Variants in FANCL observed in about 807,000 individuals in gnomAD.
FANCL encodes FA complementation group L, also known as E3 ubiquitin-protein ligase FANCL.
A neutral mutation model predicts 59.4 loss-of-function variants in FANCL; 69 were observed. That is an observed-to-expected ratio of 1.16 (90% CI 0.96 to 1.42). The LOEUF is 1.42. FANCL is among the 40% of genes most tolerant of loss of function. The pLI, the probability that FANCL is intolerant of heterozygous loss-of-function variation, is 0.00. For missense variants in FANCL, 519 were observed against 447.2 expected (o/e 1.16, Z -1.45); for synonymous variants, 180 against 147.1 (o/e 1.22, Z -1.62).
intron 7 of FANCL, among the ~76,000 whole-genome samples, chr2:58,168,980 C>T (rs934747153): frequency 1.3e-5 from 2 of 152,166 alleles, no homozygotes; most frequent in Non-Finnish European, 2.9e-5. Flanking sequence ...TCCCATCTCC[C>T]TGGGACAGAG....
intron 7 of FANCL, among the ~76,000 whole-genome samples, chr2:58,169,303 T>C (rs879521214): frequency 5.3e-5 from 8 of 152,142 alleles, no homozygotes; most frequent in Admixed American, 2.6e-4. Flanking sequence ...CCAGCAGACC[T>C]GCAGCAGAGG....
chr2:58,167,109 G>A (rs982879118), intron 7 of FANCL, among the ~76,000 whole-genome samples: 1 of 152,218 alleles, frequency 6.6e-6, no homozygotes, highest in Non-Finnish European at 1.5e-5. Context: ...CTATTTGGGA[G>A]ACAGAGGCAG....
chr2:58,209,892 C>G (rs1690954723), intron 5 of FANCL, among the ~76,000 whole-genome samples: 1 of 152,130 alleles, frequency 6.6e-6, no homozygotes, highest in African/African-American at 2.4e-5. Flanking sequence ...CATTAATCAG[C>G]TTCTAAGATA....
At position 58,181,345 on chromosome 2, in the gene FANCL, A is replaced by G. The variant is rs549432942; in HGVS notation, c.541-15471T>C. ...TCTGTTTATAATATCTGGAATAGAC[A>G]TAACTAAGCTTTGGTGGAAAACAAT... On this transcript the variant is annotated intron_variant, in intron 7 of 13. Transcript: ENST00000233741. 1.9e-4 allele frequency among the ~76,000 whole-genome samples: 29 copies of G among 152,192 alleles called. 1 individual carries two copies. The South Asian group carries it at 5.6e-3, about 29-fold the overall frequency.
chr2:58,239,934 A>G (rs1030618732), intron 1 of FANCL, among the ~76,000 whole-genome samples: 1 of 152,196 alleles, frequency 6.6e-6, no homozygotes. Flanking sequence ...AATGTTTAAG[A>G]TTTAAATAAA....
rs1045412255 is a variant in FANCL at position 58,201,388 on chromosome 2, CA to C, written c.472-2727del. Among the ~76,000 whole-genome samples, 109 of 151,628 alleles carry C rather than the reference CA, an allele frequency of 7.2e-4. 1 individual carries two copies. Among genetic ancestry groups the C allele is most frequent in the Non-Finnish European group, 1.9e-4 (13 of 67,802 alleles). On this transcript the variant is annotated intron_variant, in intron 6 of 13. Transcript: ENST00000233741. ...AATCAATAACTAAAAAAAAAGATTA[CA>C]TAATATTAAGTATATATTTTTATCA...
intron 7 of FANCL, among the ~76,000 whole-genome samples, chr2:58,192,146 A>G (rs1446862609): frequency 6.6e-6 from 1 of 151,954 alleles, no homozygotes; most frequent in African/African-American, 2.4e-5. Flanking sequence ...AACCTGTTCC[A>G]TGCAACTAGT....
chr2:58,223,292 C>T (rs1022689237), intron 4 of FANCL, among the ~76,000 whole-genome samples: 1 of 151,740 alleles, frequency 6.6e-6, no homozygotes, highest in Non-Finnish European at 1.5e-5. Context: ...TGATGGTCCA[C>T]CAAAATAAAT....
At chr2:58,224,704 CAT>C (rs1692812770) in intron 4 of FANCL, among the ~76,000 whole-genome samples, 1 of 151,702 alleles carries the variant, frequency 6.6e-6, no homozygotes, top group South Asian at 2.1e-4. Flanking sequence ...ACTAACAACA[CAT>C]AGACAGGAAA....
intron 7 of FANCL, among the ~76,000 whole-genome samples, chr2:58,175,119 C>A (rs529770761): frequency 3.8e-4 from 57 of 148,590 alleles, no homozygotes; most frequent in East Asian, 1.8e-3. Flanking sequence ...CAATAACAGG[C>A]TCTGAAATTG....
intron 7 of FANCL, among the ~76,000 whole-genome samples, chr2:58,176,318 C>G (rs1241256686): frequency 6.6e-6 from 1 of 152,022 alleles, no homozygotes; most frequent in Non-Finnish European, 1.5e-5. Flanking sequence ...GCCCGCATCG[C>G]CAAGTCAATC....
intron 5 of FANCL, among the ~76,000 whole-genome samples, chr2:58,208,590 T>C (rs1558795956): frequency 6.6e-6 from 1 of 152,324 alleles, no homozygotes; most frequent in East Asian, 1.9e-4. Flanking sequence ...TCTTTAGCCA[T>C]CTAGATGCAT....
At chr2:58,164,257 C>T (rs1685640768) in intron 8 of FANCL, among the ~76,000 whole-genome samples, 1 of 151,948 alleles carries the variant, frequency 6.6e-6, no homozygotes, top group African/African-American at 2.4e-5. Context: ...TCATTTTCAT[C>T]GTAAAAATGT....
At chr2:58,216,063 A>C (rs1329277207) in intron 5 of FANCL, among the ~76,000 whole-genome samples, 1 of 152,190 alleles carries the variant, frequency 6.6e-6, no homozygotes, top group Non-Finnish European at 1.5e-5. Flanking sequence ...GCTTTGTCAA[A>C]AATGGACCCC....
chr2:58,165,023 AAAAG>A (rs1364157002), intron 8 of FANCL, among the ~76,000 whole-genome samples: 1 of 152,130 alleles, frequency 6.6e-6, no homozygotes, highest in African/African-American at 2.4e-5. Context: ...TATTTAGAAA[AAAAG>A]AAATGGGTAT....
intron 1 of FANCL, among the ~76,000 whole-genome samples, chr2:58,239,199 A>G (rs935426773): frequency 2.0e-5 from 3 of 152,128 alleles, no homozygotes; most frequent in African/African-American, 7.2e-5. Context: ...GCCTCAGAGT[A>G]CCTCCCCAAA....
intron 6 of FANCL, among the ~76,000 whole-genome samples, chr2:58,201,222 T>G (rs1377275874): frequency 6.6e-6 from 1 of 151,658 alleles, no homozygotes; most frequent in Non-Finnish European, 1.5e-5. Context: ...TGACAACTAA[T>G]TGTCAAAACT....
chr2:58,194,335 T>G (rs778189346), intron 7 of FANCL: 4 of 469,852 alleles, frequency 8.5e-6, no homozygotes, highest in African/African-American at 4.0e-5. Context: ...AATCTGACAT[T>G]TAGGCATTCT....
intron 5 of FANCL, among the ~76,000 whole-genome samples, chr2:58,212,496 G>C (rs532688258): frequency 1.1e-4 from 17 of 152,046 alleles, no homozygotes; most frequent in African/African-American, 1.7e-4. Context: ...GAGACTGACA[G>C]GGGCCAAAAC....
Sources: allele counts gnomAD v4.1 joint callset (sites outside exome capture counted in the v4.1 genomes callset), GRCh38; gene constraint gnomAD v4.1.1; transcripts MANE v1.5; gene names NCBI Gene and HGNC (gene_info 2026-07-23, HGNC 2026-07-21).